Variants in IRS4 observed in about 807,000 individuals in gnomAD.
IRS4 encodes the protein insulin receptor substrate 4, also known as 160 kDa phosphotyrosine protein.
In IRS4, 15 loss-of-function variants were observed where a neutral mutation model predicts 48.6. That is an observed-to-expected ratio of 0.31 (90% CI 0.21 to 0.48). IRS4 has a LOEUF of 0.48. Ranked by LOEUF, IRS4 falls within the 20% of genes least tolerant of loss-of-function variation. The pLI is 0.99. For missense variants in IRS4, 987 were observed against 1,023.4 expected, an observed-to-expected ratio of 0.96 and a Z score of 0.49; for synonymous variants, 459 against 413.2, an observed-to-expected ratio of 1.11 and a Z score of -1.34.
chrX:108,725,460 C>CAAA (rs397968164), intron 1 of IRS4, among the ~76,000 whole-genome samples: 7,596 of 59,734 alleles, frequency 0.13, 560 homozygotes, highest in African/African-American at 0.24. Context: ...AGTAAAGCAC[C>CAAA]AAAAAAAAAA....
In IRS4 at chrX:108,732,938, G is replaced by T. The variant is rs1258995838; in HGVS notation, c.3407C>A (p.Ala1136Glu). The change falls in exon 1 of 2, where the codon GCG (alanine) becomes GAG (glutamate). Residue 1136 changes from alanine to glutamate, a missense_variant. Ala to Glu is a moderately radical substitution (Grantham distance 107, BLOSUM62 -1). This residue lies in a region of IRS4 where 720 missense variants were observed against 660.3 expected (regional missense o/e 1.09). Coordinates refer to ENST00000372129, the MANE Select transcript of IRS4 (RefSeq NM_001379150.1). ...PTLALSQVVA[A>E]ASALAAAPGI... ...CGGGGCTGCGGCGAGCGCGGAGGCC[G>T]CAGCTACAACTTGGCTGAGGGCTAA... The T allele has an allele frequency of 1.0e-5, 12 of 1,185,980 alleles. No individual in the cohort carries two copies. Among genetic ancestry groups the T allele is most frequent in the South Asian group, 1.8e-5 (1 of 54,204 alleles).
At chrX:108,725,129 A>G (rs1289509200) in intron 1 of IRS4, among the ~76,000 whole-genome samples, 1 of 111,574 alleles carries the variant, frequency 9.0e-6, no homozygotes, top group African/African-American at 3.3e-5. Context: ...TTGTAGGGTG[A>G]GCCAAGTAGG....
chrX:108,735,934 C>A lies in IRS4; in HGVS notation c.411G>T (p.Ala137=). 1.7e-6 allele frequency: 2 copies of A among 1,208,338 alleles called. No individual in the cohort carries two copies. The highest frequency in any genetic ancestry group is 2.2e-6 in the Non-Finnish European group (2 of 893,926). The change falls in exon 1 of 2, where the codon GCG becomes GCT. Residue 137 remains alanine (A), a synonymous_variant. Coordinates refer to ENST00000372129, the MANE Select transcript of IRS4 (RefSeq NM_001379150.1). Reference sequence around the variant, plus strand: ...GCCGCGGTGGAATGAGCGGGGGGATCGCGGCGCCAGAGGCGGCCGCCGCTG... The same window carrying A: ...GCCGCGGTGGAATGAGCGGGGGGATAGCGGCGCCAGAGGCGGCCGCCGCTG... ...AAAAAAASGA[A]IPPLIPPRRV...
chrX:108,720,792 A>G lies in IRS4; in HGVS notation c.*1727T>C, dbSNP rs1193672091. On this transcript the variant is annotated 3_prime_UTR_variant, in exon 2 of 2. Coordinates refer to ENST00000372129, the MANE Select transcript of IRS4 (RefSeq NM_001379150.1). ...AGTTGATGCCCTAGCAGTGACCAGT[A>G]ACTGGAACAATGACTGATCTCATAG... The G allele has an allele frequency of 8.9e-6, 1 of 112,041 alleles. No individual in the cohort carries two copies. The highest frequency in any genetic ancestry group is 1.9e-5 in the Non-Finnish European group (1 of 53,251). The allele number at this position is 112,041 out of a possible 1,213,427, so 9.2% of individuals were successfully genotyped here. A position where few individuals can be genotyped will look rare whatever the true frequency, so the allele number is the denominator to read the frequency against.
At position 108,734,284 on chromosome X, in the gene IRS4, G is replaced by A. The variant is rs948011055; in HGVS notation, c.2061C>T (p.His687=). ...CATCTTCATCAAAAGCTCTGGCTCT[G>A]TGGGGACCTCGAGCTGCACCTTCTG... ...EIPEGAARGP[H]RARAFDEDED... The change falls in exon 1 of 2, where the codon CAC becomes CAT. Residue 687 remains histidine, a synonymous_variant. Coordinates refer to ENST00000372129, the MANE Select transcript of IRS4 (RefSeq NM_001379150.1). 4 of 1,209,016 alleles carry A rather than the reference G, an allele frequency of 3.3e-6. No homozygotes were observed. The highest frequency in any genetic ancestry group is 2.2e-6 in the Non-Finnish European group (2 of 894,999).
intron 1 of IRS4, 57 bp downstream of exon 1, chrX:108,732,522 T>A (rs766635533): frequency 8.3e-7 from 1 of 1,209,782 alleles, no homozygotes; most frequent in Admixed American, 2.2e-5. Flanking sequence ...CTGTAGCGCA[T>A]CGAATCATTA....
chrX:108,733,565 G>C lies in IRS4; in HGVS notation c.2780C>G (p.Thr927Ser). ...SSSDYVNMDF[T>S]KRESNTPAPS... ...AGCTGGTGTATTGCTCTCTCTTTTA[G>C]TGAAGTCCATGTTGACGTAGTCACT... Residue 927 changes from threonine to serine, a missense_variant, in exon 1 of 2, where the codon ACT (threonine) becomes AGT (serine). This residue lies in a region of IRS4 where 720 missense variants were observed against 660.3 expected (regional missense o/e 1.09). Transcript: ENST00000372129. The C allele has an allele frequency of 8.2e-7, 1 of 1,212,132 alleles. No individual in the cohort carries two copies. The highest frequency in any genetic ancestry group is 1.1e-6 in the Non-Finnish European group (1 of 895,537).
At position 108,732,905 on chromosome X, in the gene IRS4, C is replaced by T; in HGVS notation, c.3440G>A (p.Gly1147Asp). ...AAATCCAGCAGCTGCGGCTGCTGCGCCGATGCCCGGGGCTGCGGCGAGCGC... is the reference window on the plus strand; with the variant it reads ...AAATCCAGCAGCTGCGGCTGCTGCGTCGATGCCCGGGGCTGCGGCGAGCGC... ...ASALAAAPGI[G>D]AAAAAAGFDS... Residue 1147 changes from glycine (G) to aspartate (D), a missense_variant, in exon 1 of 2, where the codon GGC becomes GAC. By Grantham distance (94) the Gly-to-Asp change is moderately conservative. Around this residue, in one of 4 missense-constraint regions of IRS4, gnomAD observed 720 missense variants for 660.3 expected, o/e 1.09. Coordinates refer to ENST00000372129, the MANE Select transcript of IRS4 (RefSeq NM_001379150.1). 1 of 1,172,315 alleles carries T rather than the reference C, an allele frequency of 8.5e-7. No individual in the cohort carries two copies. The highest frequency in any genetic ancestry group is 3.0e-5 in the East Asian group (1 of 33,388).
intron 1 of IRS4, chrX:108,724,775 T>A (rs1044746187): frequency 8.9e-6 from 1 of 112,474 alleles, no homozygotes; most frequent in Non-Finnish European, 1.9e-5. Context: ...CTGTTTTGGA[T>A]GTATTATTCC....
chrX:108,720,553 C>T lies in IRS4; in HGVS notation c.*1966G>A, dbSNP rs1355219678. ...CCCTGTCTGCTGGCAGCTTCTGAAC[C>T]TAATATGCAAATAAAGTGATACAGT... On this transcript the variant is annotated 3_prime_UTR_variant, in exon 2 of 2. Transcript: ENST00000372129. The T allele has an allele frequency of 1.8e-5, 2 of 111,824 alleles. No homozygotes were observed. The highest frequency in any genetic ancestry group is 6.5e-5 in the African/African-American group (2 of 30,729). 9.2% of individuals were successfully genotyped at this position (111,824 alleles called of 1,213,427 possible).
Position 108,732,922 on chromosome X carries a change from G to A in IRS4, c.3423C>T (p.Ala1141=). ...SQVVAAASAL[A]AAPGIGAAAA... ...CTGCTGCGCCGATGCCCGGGGCTGC[G>A]GCGAGCGCGGAGGCCGCAGCTACAA... The change falls in exon 1 of 2, where the codon GCC becomes GCT. Residue 1141 remains alanine, a synonymous_variant. Coordinates refer to ENST00000372129, the MANE Select transcript of IRS4 (RefSeq NM_001379150.1). 8.5e-7 allele frequency: 1 copy of A among 1,181,715 alleles called. No individual in the cohort carries two copies. The highest frequency in any genetic ancestry group is 1.9e-5 in the South Asian group (1 of 53,049).
chrX:108,733,460 A>G lies in IRS4; in HGVS notation c.2885T>C (p.Val962Ala). 8.3e-7 allele frequency: 1 copy of G among 1,211,602 alleles called. No homozygotes were observed. The highest frequency in any genetic ancestry group is 1.1e-6 in the Non-Finnish European group (1 of 895,480). ...RQSAFSNYVN[V>A]EFGVPFPNPA... The stretch of plus-strand genomic sequence containing the variant: ...ATTTGGAAATGGCACTCCAAACTCA[A>G]CATTCACATAATTAGAAAAGGCTGA... Residue 962 changes from valine to alanine, a missense_variant, in exon 1 of 2, where the codon GTT becomes GCT. Physicochemically the swap from Val to Ala is moderately conservative, Grantham distance 64. Coordinates refer to ENST00000372129, the MANE Select transcript of IRS4 (RefSeq NM_001379150.1).
chrX:108,729,764 TCA>T (rs1419229032), intron 1 of IRS4, among the ~76,000 whole-genome samples: 3 of 111,990 alleles, frequency 2.7e-5, no homozygotes, highest in Admixed American at 9.5e-5. Flanking sequence ...AACAGCTGTC[TCA>T]CAGATTTATA....
chrX:108,733,971 T>G lies in IRS4; in HGVS notation c.2374A>C (p.Asn792His). 8.3e-7 allele frequency: 1 copy of G among 1,211,573 alleles called. No individual in the cohort carries two copies. Among genetic ancestry groups the G allele is most frequent in the Non-Finnish European group, 1.1e-6 (1 of 895,470 alleles). The change falls in exon 1 of 2, where the codon AAC becomes CAC. Residue 792 changes from asparagine to histidine, a missense_variant. This residue lies in a region of IRS4 where 720 missense variants were observed against 660.3 expected (regional missense o/e 1.09). Transcript: ENST00000372129. ...MAPGAGAIPK[N>H]PRNPQGGSSS... ...GAGCCACCCTGAGGATTTCTGGGGT[T>G]TTTTGGAATTGCACCGGCTCCAGGA...
Position 108,735,294 on chromosome X carries a change from G to A in IRS4, c.1051C>T (p.Leu351=), listed in dbSNP as rs762032902. The change falls in exon 1 of 2, where the codon CTG becomes TTG. Residue 351 remains leucine, a synonymous_variant. Transcript: ENST00000372129. ...CTCCTAGCGGACAGCAGGGTTAACA[G>A]GTGGGCGCCGATGCTGATGCTGTAG... ...RSYSISIGAH[L]LTLLSARRHL... is the part of the protein sequence containing the mutation. The A allele has an allele frequency of 8.3e-7, 1 of 1,211,725 alleles. No homozygotes were observed.
intron 1 of IRS4, among the ~76,000 whole-genome samples, chrX:108,725,135 G>A (rs1044777307): frequency 9.0e-6 from 1 of 111,398 alleles, no homozygotes; most frequent in African/African-American, 3.3e-5. Flanking sequence ...GGTGAGCCAA[G>A]TAGGCAGTTC....
At position 108,721,405 on chromosome X, in the gene IRS4, T is replaced by C. The variant is rs867524771; in HGVS notation, c.*1114A>G. The C allele has an allele frequency of 3.5e-4, 39 of 111,629 alleles. No homozygotes were observed. Among genetic ancestry groups the C allele is most frequent in the African/African-American group, 1.1e-3 (34 of 30,721 alleles). The allele number at this position is 111,629 out of a possible 1,213,427, so 9.2% of individuals were successfully genotyped here. ...CGGGGGGGAGCTTGCTCTGATTTTT[T>C]TTTTTAATTTGGTACATCTTATATT... On this transcript the variant is annotated 3_prime_UTR_variant, in exon 2 of 2. Coordinates refer to ENST00000372129, the MANE Select transcript of IRS4 (RefSeq NM_001379150.1).
chrX:108,734,051 T>C lies in IRS4; in HGVS notation c.2294A>G (p.Asn765Ser). 1.7e-6 allele frequency: 2 copies of C among 1,211,634 alleles called. No homozygotes were observed. The highest frequency in any genetic ancestry group is 5.9e-5 in the East Asian group (2 of 33,850). ...APSPPKAPDT[N>S]KEDDSKDNDS... ...ATTGTCCTTTGAGTCATCCTCTTTA[T>C]TAGTATCAGGTGCTTTTGGAGGACT... Residue 765 changes from asparagine to serine, a missense_variant, in exon 1 of 2, where the codon AAT (asparagine) becomes AGT (serine). Coordinates refer to ENST00000372129, the MANE Select transcript of IRS4 (RefSeq NM_001379150.1).
intron 1 of IRS4, among the ~76,000 whole-genome samples, chrX:108,731,677 C>T (rs1463271114): frequency 8.9e-6 from 1 of 111,810 alleles, no homozygotes; most frequent in East Asian, 2.8e-4. Context: ...TTCCTCCAGC[C>T]TTATCTTGCT....
Sources: gnomAD v4.1 joint callset for allele counts (sites outside exome capture counted in the v4.1 genomes callset) on GRCh38, gnomAD v4.1.1 for gene constraint, gnomAD v4.1.1 regional missense constraint, MANE v1.5 for transcripts, NCBI Gene and HGNC (gene_info 2026-07-23, HGNC 2026-07-21) for gene names.